The following RAB38 variants were observed in gnomAD, a reference collection of about 807,000 sequenced individuals.
RAB38 encodes ras-related protein Rab-38.
Under a neutral mutation model 18.4 loss-of-function variants are expected in RAB38, and 15 were observed. The ratio of observed to expected loss-of-function variants is 0.82; its 90% CI spans 0.55 to 1.26. The LOEUF is 1.26. RAB38 is among the 50% of genes most tolerant of loss of function. The probability of loss-of-function intolerance (pLI) is 0.00; values close to 1 mark genes in which losing one functional copy is unlikely to be tolerated. For synonymous variants in RAB38, 101 were observed against 104.4 expected, an observed-to-expected ratio of 0.97 and a Z score of 0.20; for missense variants, 294 against 267.4, an observed-to-expected ratio of 1.10 and a Z score of -0.69.
chr11:88,068,351 A>C, the RAB38 span, among the ~76,000 whole-genome samples: 1 of 152,142 alleles, frequency 6.6e-6, no homozygotes, highest in African/African-American at 2.4e-5. Context: ...CTTTCATATA[A>C]GAAGACATAG....
At chr11:88,060,021 G>A in the RAB38 span, among the ~76,000 whole-genome samples, 6,182 of 152,250 alleles carry the variant, frequency 0.041, 157 homozygotes, top group African/African-American at 0.074. Context: ...AACACTGACT[G>A]AGCTCAGGAA....
chr11:88,119,441 T>C (rs1205769269), intron 2 of RAB38, among the ~76,000 whole-genome samples: 2 of 152,208 alleles, frequency 1.3e-5, no homozygotes, highest in African/African-American at 4.8e-5. Context: ...ACTCATATAA[T>C]TAAGAATGTC....
chr11:88,175,137 G>T (rs36069323), intron 1 of RAB38, 46 bp downstream of exon 1: 7 of 1,502,618 alleles, frequency 4.7e-6, no homozygotes, highest in African/African-American at 2.8e-5. Context: ...ACTGGAAACC[G>T]GCCGCGAGGC....
the RAB38 span, among the ~76,000 whole-genome samples, chr11:88,093,627 C>A: frequency 6.6e-6 from 1 of 151,866 alleles, no homozygotes; most frequent in Non-Finnish European, 1.5e-5. Context: ...TGCTTTCAAT[C>A]CATCTTCCAC....
At position 88,175,319 on chromosome 11, in the gene RAB38, C is replaced by G; in HGVS notation, c.66G>C (p.Lys22Asn). The G allele has an allele frequency of 1.2e-6, 2 of 1,614,240 alleles. No homozygotes were observed. Among genetic ancestry groups the G allele is most frequent in the Middle Eastern group, 1.6e-4 (1 of 6,062 alleles). ...LLVIGDLGVG[K>N]TSIIKRYVHQ... ...GCACGTAGCGCTTGATGATACTGGTCTTCCCCACGCCCAGGTCGCCAATCA... is the reference window on the plus strand; with the variant it reads ...GCACGTAGCGCTTGATGATACTGGTGTTCCCCACGCCCAGGTCGCCAATCA... The change falls in exon 1 of 3, where the codon AAG (lysine) becomes AAC (asparagine). Residue 22 changes from lysine to asparagine, a missense_variant. By Grantham distance (94) the Lys-to-Asn change is moderately conservative (BLOSUM62 0). Coordinates refer to ENST00000243662, the MANE Select transcript of RAB38 (RefSeq NM_022337.3).
At chr11:88,009,953 C>T in the RAB38 span, among the ~76,000 whole-genome samples, 117 of 152,256 alleles carry the variant, frequency 7.7e-4, 3 homozygotes, top group East Asian at 0.021. Context: ...AGACCCAAAT[C>T]TAAACATAGG....
the RAB38 span, among the ~76,000 whole-genome samples, chr11:88,093,380 T>C: frequency 6.6e-6 from 1 of 151,920 alleles, no homozygotes; most frequent in Non-Finnish European, 1.5e-5. Flanking sequence ...CAATTGGAAG[T>C]GACTACTAAT....
At chr11:87,955,039 CACAGCAGAAGAAA>C in the RAB38 span, among the ~76,000 whole-genome samples, 1 of 152,142 alleles carries the variant, frequency 6.6e-6, no homozygotes, top group East Asian at 1.9e-4. Context: ...GCAAAAGGAG[CACAGCAGAAGAAA>C]AGAGCAGGAG....
chr11:87,857,043 G>C, the RAB38 span, among the ~76,000 whole-genome samples: 132 of 151,496 alleles, frequency 8.7e-4, 1 homozygote, highest in African/African-American at 3.1e-3. Flanking sequence ...GCCCCATTGT[G>C]TAATGTTCCC....
At chr11:87,873,045 T>G in the RAB38 span, among the ~76,000 whole-genome samples, 3 of 151,600 alleles carry the variant, frequency 2.0e-5, no homozygotes, top group Non-Finnish European at 4.4e-5. Context: ...TCTTCCATCA[T>G]AGTTGTGCAA....
the RAB38 span, among the ~76,000 whole-genome samples, chr11:87,949,737 G>A: frequency 6.6e-6 from 1 of 152,178 alleles, no homozygotes; most frequent in Admixed American, 6.5e-5. Flanking sequence ...TAGTTTGATT[G>A]CACTGTGATC....
the RAB38 span, among the ~76,000 whole-genome samples, chr11:88,042,109 A>T: frequency 0.073 from 11,045 of 152,190 alleles, 666 homozygotes; most frequent in African/African-American, 0.14. Flanking sequence ...CACATTCAAA[A>T]TCTACTGTAA....
the RAB38 span, among the ~76,000 whole-genome samples, chr11:88,051,850 G>A: frequency 0.029 from 4,480 of 152,268 alleles, 157 homozygotes; most frequent in East Asian, 0.15. Context: ...AGGGCTGGGC[G>A]CAGTGGCTCA....
At chr11:88,146,333 G>C (rs370230988) in intron 2 of RAB38, among the ~76,000 whole-genome samples, 1 of 152,292 alleles carries the variant, frequency 6.6e-6, no homozygotes, top group East Asian at 1.9e-4. Context: ...ATGTGCCCAT[G>C]GGGACAAAGC....
chr11:88,020,193 A>G, the RAB38 span, among the ~76,000 whole-genome samples: 6 of 152,308 alleles, frequency 3.9e-5, no homozygotes, highest in South Asian at 8.3e-4. Context: ...TCAAGACCCA[A>G]TGATCTCTTG....
intron 2 of RAB38, 117 bp downstream of exon 2, chr11:88,149,558 G>A: frequency 8.0e-7 from 1 of 1,250,166 alleles, no homozygotes; most frequent in Non-Finnish European, 1.1e-6. Context: ...AGAGCAATGT[G>A]AAAACCATAC....
chr11:88,161,501 A>C (rs1414450908), intron 1 of RAB38, among the ~76,000 whole-genome samples: 1 of 152,042 alleles, frequency 6.6e-6, no homozygotes, highest in Non-Finnish European at 1.5e-5. Flanking sequence ...ATCTCTAACC[A>C]TGGCACTGAA....
At chr11:88,059,068 A>G in the RAB38 span, among the ~76,000 whole-genome samples, 2 of 152,052 alleles carry the variant, frequency 1.3e-5, no homozygotes, top group African/African-American at 2.4e-5. Flanking sequence ...ACTACTATTA[A>G]TTCTGTGACC....
chr11:87,975,176 A>G, the RAB38 span, among the ~76,000 whole-genome samples: 2 of 151,814 alleles, frequency 1.3e-5, no homozygotes, highest in African/African-American at 4.8e-5. Flanking sequence ...CAGTCATAGG[A>G]TTTGGGGCTC....
Sources: allele counts gnomAD v4.1 joint callset (sites outside exome capture counted in the v4.1 genomes callset), GRCh38; gene constraint gnomAD v4.1.1; transcripts MANE v1.5; gene names NCBI Gene and HGNC (gene_info 2026-07-23, HGNC 2026-07-21).